Variants in PDE4D observed in about 807,000 individuals in gnomAD.
PDE4D encodes 3',5'-cyclic-AMP phosphodiesterase 4D.
PDE4D carries 24 observed loss-of-function variants against 87.4 expected under a neutral mutation model. The ratio of observed to expected loss-of-function variants is 0.27; its 90% CI spans 0.20 to 0.39. PDE4D has a LOEUF of 0.39. Ranked by LOEUF, PDE4D falls within the 10% of genes least tolerant of loss-of-function variation. The probability of loss-of-function intolerance (pLI) is 1.00; values close to 1 mark genes in which losing one functional copy is unlikely to be tolerated. For synonymous variants in PDE4D, 384 were observed against 383.2 expected (o/e 1.00, Z -0.02); for missense variants, 714 against 1,041.0 (o/e 0.69, Z 4.32).
intron 1 of PDE4D, among the ~76,000 whole-genome samples, chr5:59,872,252 A>C (rs1747915738): frequency 6.8e-6 from 1 of 147,310 alleles, no homozygotes; most frequent in Non-Finnish European, 1.5e-5. Flanking sequence ...TGGATTCACA[A>C]CAGAAGAGTT....
intron 1 of PDE4D, among the ~76,000 whole-genome samples, chr5:60,408,784 G>A (rs1404678519): frequency 6.6e-6 from 1 of 152,022 alleles, no homozygotes; most frequent in African/African-American, 2.4e-5. Context: ...AATAATAAAG[G>A]GAGAGAGATA....
At position 59,790,818 on chromosome 5, in the gene PDE4D, A is replaced by C. The variant is rs1354588105; in HGVS notation, c.455+102350T>G. Among the ~76,000 whole-genome samples, 4 of 152,192 alleles carry C rather than the reference A, an allele frequency of 2.6e-5. No individual in the cohort carries two copies. The East Asian group carries it at 7.7e-4, about 29-fold the overall frequency. ...CTAATATGAAAATGTGTTATAGATC[A>C]CGAAAAACTTCCTGTCTACTACTAT... On this transcript the variant is annotated intron_variant, in intron 1 of 14. Transcript: ENST00000340635.
At chr5:59,125,180 A>G in intron 5 of PDE4D, 1 of 525,134 alleles carries the variant, frequency 1.9e-6, no homozygotes, top group Non-Finnish European at 2.4e-6. Context: ...TTTTGTTTCC[A>G]TGGCTCATTA....
At chr5:59,219,400 A>G (rs1393977999) in intron 1 of PDE4D, among the ~76,000 whole-genome samples, 1 of 152,096 alleles carries the variant, frequency 6.6e-6, no homozygotes, top group East Asian at 1.9e-4. Flanking sequence ...TCATTTGCAT[A>G]ATTTATTTCC....
chr5:58,989,919 C>G lies in PDE4D; in HGVS notation c.1288G>C (p.Glu430Gln), dbSNP rs1350718408. 6.7e-7 allele frequency: 1 copy of G among 1,496,646 alleles called. No homozygotes were observed. Among genetic ancestry groups the G allele is most frequent in the African/African-American group, 1.4e-5 (1 of 71,152 alleles). The allele number at this position is 1,496,646 out of a possible 1,614,324, so 92.7% of individuals were successfully genotyped here. ...LTVIMHTIFQ[E>Q]RDLLKTFKIP... ...TTAAATGTTTTTAATAAATCCCGTT[C>G]CTGTAGGAAAAAAAATCATCTTAAC... Residue 430 changes from glutamate to glutamine, a missense_variant and splice_region_variant, in exon 10 of 15, where the codon GAA becomes CAA. Coordinates refer to ENST00000340635, the MANE Select transcript of PDE4D (RefSeq NM_001104631.2).
intron 5 of PDE4D, among the ~76,000 whole-genome samples, chr5:59,112,241 G>A (rs1350262264): frequency 6.6e-6 from 1 of 152,188 alleles, no homozygotes; most frequent in Non-Finnish European, 1.5e-5. Flanking sequence ...CAGCAAGGAG[G>A]CTAATGGGCT....
intron 1 of PDE4D, among the ~76,000 whole-genome samples, chr5:60,474,136 A>G (rs1260606837): frequency 8.2e-5 from 8 of 97,658 alleles, no homozygotes; most frequent in East Asian, 6.8e-4. Context: ...ATATATATAT[A>G]TATATATATA....
chr5:59,473,782 A>G (rs1802845782), intron 1 of PDE4D, among the ~76,000 whole-genome samples: 1 of 152,180 alleles, frequency 6.6e-6, no homozygotes, highest in African/African-American at 2.4e-5. Flanking sequence ...GGCTGAAAGA[A>G]TGATGCAGAC....
intron 1 of PDE4D, among the ~76,000 whole-genome samples, chr5:60,215,129 T>C (rs1312244483): frequency 6.6e-6 from 1 of 152,182 alleles, no homozygotes; most frequent in Non-Finnish European, 1.5e-5. Context: ...TCTGTAGCGA[T>C]TTCTATGATT....
rs533079894 is a variant in PDE4D at position 60,108,439 on chromosome 5, G to A, written c.42+77118C>T. ...CGTGAAAATGGCCATACTGCCCAAG[G>A]TAATTTAAAGATTCAATGCCATCCC... On this transcript the variant is annotated intron_variant, in intron 2 of 16. Coordinates refer to the PDE4D transcript ENST00000502484. 2.6e-5 allele frequency among the ~76,000 whole-genome samples: 4 copies of A among 152,262 alleles called. No homozygotes were observed. In the East Asian group the frequency reaches 7.7e-4, roughly 29 times the overall value.
intron 6 of PDE4D, chr5:58,999,441 A>C (rs1466697633): frequency 2.1e-6 from 2 of 931,318 alleles, no homozygotes; most frequent in Non-Finnish European, 3.3e-6. Flanking sequence ...CTTTCTAAAT[A>C]ATTTTGTAAT....
intron 2 of PDE4D, among the ~76,000 whole-genome samples, chr5:60,074,808 T>A (rs573439046): frequency 6.6e-6 from 1 of 152,328 alleles, no homozygotes; most frequent in East Asian, 1.9e-4. Flanking sequence ...CTGTTTTGTC[T>A]GAAATTAGGA....
chr5:60,044,597 G>A (rs929615200), intron 2 of PDE4D, among the ~76,000 whole-genome samples: 14 of 150,666 alleles, frequency 9.3e-5, no homozygotes, highest in Non-Finnish European at 1.3e-4. Context: ...TCCCACCTAT[G>A]AGTGAGAATA....
chr5:59,445,192 C>A (rs1251776859), intron 1 of PDE4D, among the ~76,000 whole-genome samples: 2 of 152,094 alleles, frequency 1.3e-5, no homozygotes, highest in Non-Finnish European at 2.9e-5. Flanking sequence ...ATCAAAAATT[C>A]TCTAATATAT....
chr5:59,488,339 G>A (rs1456868626), intron 1 of PDE4D, among the ~76,000 whole-genome samples: 1 of 152,110 alleles, frequency 6.6e-6, no homozygotes, highest in Admixed American at 6.5e-5. Flanking sequence ...CTATTCAGCT[G>A]AAGCAAGCCG....
At chr5:59,574,110 A>T (rs1305175311) in intron 1 of PDE4D, among the ~76,000 whole-genome samples, 219 of 6,006 alleles carry the variant, frequency 0.036, 3 homozygotes, top group African/African-American at 0.077. Context: ...ATATTTATAT[A>T]TATATATAAA....
At chr5:59,464,564 CACCCACG>C (rs1323810219) in intron 1 of PDE4D, among the ~76,000 whole-genome samples, 1 of 152,206 alleles carries the variant, frequency 6.6e-6, no homozygotes, top group Non-Finnish European at 1.5e-5. Context: ...CTCAGAGAAA[CACCCACG>C]AATGATCAAT....
intron 2 of PDE4D, among the ~76,000 whole-genome samples, chr5:60,074,311 T>C (rs1773054017): frequency 6.6e-6 from 1 of 152,216 alleles, no homozygotes; most frequent in African/African-American, 2.4e-5. Flanking sequence ...GTGGGTTGTT[T>C]AGTTTCCATG....
At chr5:59,140,480 T>C (rs1329415609) in intron 5 of PDE4D, among the ~76,000 whole-genome samples, 1 of 152,218 alleles carries the variant, frequency 6.6e-6, no homozygotes, top group East Asian at 1.9e-4. Flanking sequence ...GTCATTATAA[T>C]GCCTCTTTGG....
Sources: gnomAD v4.1 joint callset for allele counts (sites outside exome capture counted in the v4.1 genomes callset) on GRCh38, gnomAD v4.1.1 for gene constraint, MANE v1.5 for transcripts, NCBI Gene and HGNC (gene_info 2026-07-23, HGNC 2026-07-21) for gene names.